Variants in KDM2B observed in about 807,000 individuals in gnomAD.
KDM2B encodes lysine demethylase 2B.
A neutral mutation model predicts 150.0 loss-of-function variants in KDM2B; 26 were observed. The observed-to-expected ratio is 0.17, with a 90% confidence interval of 0.13 to 0.24. The LOEUF (loss-of-function observed/expected upper bound fraction) is 0.24. Among genes scored for constraint, KDM2B ranks in the 10% least tolerant of loss-of-function variants. The pLI, the probability that KDM2B is intolerant of heterozygous loss-of-function variation, is 1.00. For synonymous variants in KDM2B, 734 were observed against 729.5 expected, an observed-to-expected ratio of 1.01 and a Z score of -0.10; for missense variants, 1,265 against 1,816.9, an observed-to-expected ratio of 0.70 and a Z score of 5.52.
chr12:121,534,409 G>A, intron 7 of KDM2B, 88 bp downstream of exon 7: 1 of 903,710 alleles, frequency 1.1e-6, no homozygotes, highest in Non-Finnish European at 1.8e-6. Flanking sequence ...TTGGAGGAGG[G>A]AGGTGGGAGG....
chr12:121,578,761 G>A (rs562225278), intron 2 of KDM2B, 41 bp downstream of exon 2: 1 of 1,409,418 alleles, frequency 7.1e-7, no homozygotes, highest in Middle Eastern at 2.6e-4. Context: ...CGTGCGCTCG[G>A]CCCGCAGCGC....
intron 4 of KDM2B, among the ~76,000 whole-genome samples, chr12:121,554,367 A>T (rs1555312327): frequency 6.6e-6 from 1 of 151,996 alleles, no homozygotes; most frequent in Non-Finnish European, 1.5e-5. Context: ...AAATAAATGT[A>T]TACCTTGTAT....
intron 12 of KDM2B, chr12:121,469,681 T>A (rs1272922953): frequency 6.6e-6 from 1 of 151,348 alleles, no homozygotes; most frequent in Non-Finnish European, 1.5e-5. Context: ...CTGGCCACTC[T>A]ACTCAGTAGG....
rs1488868287 is a variant in KDM2B at position 121,513,675 on chromosome 12, C to A, written c.1048-273G>T. ...GGTTGGATGGGGGCCACTTGATGCTCCCGTGAGATGCAGAAAAACAGAATT... is the reference window on the plus strand; with the variant it reads ...GGTTGGATGGGGGCCACTTGATGCTACCGTGAGATGCAGAAAAACAGAATT... On this transcript the variant is annotated intron_variant, in intron 9 of 22. Coordinates refer to ENST00000377071, the MANE Select transcript of KDM2B (RefSeq NM_032590.5). The surrounding 1 kb of genome is among the most constrained non-coding windows in gnomAD (Gnocchi z 5.0). Among the ~76,000 whole-genome samples, 5 of 152,080 alleles carry A rather than the reference C, an allele frequency of 3.3e-5. No homozygotes were observed. The highest frequency in any genetic ancestry group is 1.2e-4 in the African/African-American group (5 of 41,410).
At chr12:121,496,015 T>C (rs1555300900) in intron 11 of KDM2B, among the ~76,000 whole-genome samples, 1 of 152,072 alleles carries the variant, frequency 6.6e-6, no homozygotes, top group African/African-American at 2.4e-5. Flanking sequence ...CTTGTGTGGC[T>C]GGACTTTAGA....
chr12:121,565,139 G>C lies in KDM2B; in HGVS notation c.397+9408C>G, dbSNP rs142925399. The stretch of plus-strand genomic sequence containing the variant: ...TAAGCCACCACGCCCGGCCTGAAAA[G>C]GAAATCTTGGAAAAGAACAAAGCTG... On this transcript the variant is annotated intron_variant, in intron 4 of 22. Transcript: ENST00000377071. 6.3e-3 allele frequency among the ~76,000 whole-genome samples: 947 copies of C among 149,412 alleles called. 6 individuals are homozygous for C. The highest frequency in any genetic ancestry group is 0.022 in the African/African-American group (888 of 40,610).
In KDM2B at chr12:121,453,780, C is replaced by A. The variant is rs1877747051; in HGVS notation, c.1735-436G>T. On this transcript the variant is annotated intron_variant, in intron 12 of 22. Transcript: ENST00000377071. The surrounding 1 kb of genome is among the most constrained non-coding windows in gnomAD (Gnocchi z 6.4). ...CGCCAGCCCACACCTTGACTTCAGA[C>A]TCCTGGCCTCCAGAACCGGGAGAGA... is the stretch of plus-strand genomic sequence containing the variant. Among the ~76,000 whole-genome samples the A allele has an allele frequency of 6.6e-6, 1 of 152,134 alleles. No individual in the cohort carries two copies. Among genetic ancestry groups the A allele is most frequent in the African/African-American group, 2.4e-5 (1 of 41,414 alleles).
chr12:121,535,406 T>TG (rs1888010406), intron 6 of KDM2B, among the ~76,000 whole-genome samples: 2 of 151,902 alleles, frequency 1.3e-5, no homozygotes, highest in African/African-American at 4.8e-5. Context: ...TGTCAGGGGC[T>TG]GGGGGGCAGG....
intron 4 of KDM2B, among the ~76,000 whole-genome samples, chr12:121,572,822 A>ATTTTTTT (rs33946368): frequency 1.0e-5 from 1 of 100,202 alleles, no homozygotes; most frequent in Non-Finnish European, 2.0e-5. Flanking sequence ...ACCTGGATAA[A>ATTTTTTT]TTTTTTTTTT....
rs573069176 is a variant in KDM2B at position 121,464,676 on chromosome 12, G to A, written c.1735-11332C>T. On this transcript the variant is annotated intron_variant, in intron 12 of 22. Transcript: ENST00000377071. The stretch of plus-strand genomic sequence containing the variant: ...TCCCACCAGGGCCTCCCTCCGACGG[G>A]TCCTTTCATCCAGCAGGTGGGCAAG... Among the ~76,000 whole-genome samples, 3 of 152,312 alleles carry A rather than the reference G, an allele frequency of 2.0e-5. No individual in the cohort carries two copies. In the South Asian group the frequency reaches 6.2e-4, roughly 32 times the overall value.
intron 22 of KDM2B, among the ~76,000 whole-genome samples, chr12:121,438,209 G>A (rs1283087943): frequency 6.8e-6 from 1 of 147,446 alleles, no homozygotes; most frequent in Non-Finnish European, 1.5e-5. Context: ...AGCCGAGATC[G>A]CACCACTGCA....
At chr12:121,578,440 G>C (rs993920937) in intron 2 of KDM2B, among the ~76,000 whole-genome samples, 4 of 152,194 alleles carry the variant, frequency 2.6e-5, no homozygotes, top group Non-Finnish European at 5.9e-5. Flanking sequence ...GCCAGGCGGC[G>C]GCACCTCAGG....
chr12:121,436,097 A>G (rs1276047924), intron 22 of KDM2B, among the ~76,000 whole-genome samples: 1 of 152,278 alleles, frequency 6.6e-6, no homozygotes, highest in Admixed American at 6.5e-5. Flanking sequence ...CAAAAAGTTC[A>G]GAGAATACAG....
rs1555309028 is a variant in KDM2B at position 121,537,972 on chromosome 12, G to A, written c.684-3382C>T. 6.6e-6 allele frequency among the ~76,000 whole-genome samples: 1 copy of A among 150,612 alleles called. No homozygotes were observed. Among genetic ancestry groups the A allele is most frequent in the African/African-American group, 2.4e-5 (1 of 41,254 alleles). Reference sequence around the variant, plus strand: ...CTTCGGCTCCCGGGCGTCCCCTTCGGCTGCGGAGGCTCGACGCGCGCCCGG... The same window carrying A: ...CTTCGGCTCCCGGGCGTCCCCTTCGACTGCGGAGGCTCGACGCGCGCCCGG... On this transcript the variant is annotated intron_variant, in intron 6 of 22. Transcript: ENST00000377071. The surrounding 1 kb of genome is among the most constrained non-coding windows in gnomAD (Gnocchi z 8.7).
intron 1 of KDM2B, chr12:121,580,505 T>G: frequency 1.7e-6 from 2 of 1,188,074 alleles, no homozygotes; most frequent in Non-Finnish European, 2.1e-6. Context: ...CGCCCGGGAG[T>G]TGTGTGCAGA....
At chr12:121,460,697 C>T (rs563868367) in intron 12 of KDM2B, among the ~76,000 whole-genome samples, 23 of 152,240 alleles carry the variant, frequency 1.5e-4, no homozygotes, top group African/African-American at 4.6e-4. Flanking sequence ...TGTGAGCCAT[C>T]GAACCTGGCC....
Position 121,443,015 on chromosome 12 carries a change from C to A in KDM2B, c.2581G>T (p.Glu861Ter). ...YFQQQLKPGKEDKLFRKKRRS... is the reference protein window; with the variant it reads ...YFQQQLKPGK ...ACCTTTTTCCTGAAAAGCTTATCTTCTTTGCCAGGTTTGAGCTGTCACGAA... is the reference window on the plus strand; with the variant it reads ...ACCTTTTTCCTGAAAAGCTTATCTTATTTGCCAGGTTTGAGCTGTCACGAA... Residue 861 changes from glutamate (E) to a stop codon, truncating the protein, a stop_gained, in exon 18 of 23, where the codon GAA becomes TAA. Coordinates refer to ENST00000377071, the MANE Select transcript of KDM2B (RefSeq NM_032590.5). LOFTEE classifies it high-confidence loss of function. The A allele has an allele frequency of 6.2e-7, 1 of 1,613,230 alleles. No homozygotes were observed. The highest frequency in any genetic ancestry group is 1.1e-5 in the South Asian group (1 of 90,884).
At position 121,521,156 on chromosome 12, in the gene KDM2B, C is replaced by G. The variant is rs1285748625; in HGVS notation, c.932-56G>C. ...CCGCTGGCCCCTGTGGGCTCCCACA[C>G]CTCACAAGGCTGCAGGGAGGGAGAG... On this transcript the variant is annotated intron_variant, in intron 8 of 22. Transcript: ENST00000377071. The surrounding 1 kb of genome is among the most constrained non-coding windows in gnomAD (Gnocchi z 4.9). 5 of 1,210,314 alleles carry G rather than the reference C, an allele frequency of 4.1e-6. No individual in the cohort carries two copies. The highest frequency in any genetic ancestry group is 6.1e-6 in the Non-Finnish European group (5 of 818,036). 75.0% of individuals were successfully genotyped at this position (1,210,314 alleles called of 1,614,324 possible).
intron 3 of KDM2B, among the ~76,000 whole-genome samples, chr12:121,574,807 G>A (rs1383498635): frequency 6.6e-6 from 1 of 152,180 alleles, no homozygotes; most frequent in Non-Finnish European, 1.5e-5. Context: ...TACCCCAAGA[G>A]GCAACTCAAA....
Sources: gnomAD v4.1 joint callset for allele counts (sites outside exome capture counted in the v4.1 genomes callset) on GRCh38, gnomAD v4.1.1 for gene constraint, Gnocchi (gnomAD v3.1) non-coding constraint, MANE v1.5 for transcripts, NCBI Gene and HGNC (gene_info 2026-07-23, HGNC 2026-07-21) for gene names.